Variants in COMMD10 observed in about 807,000 individuals in gnomAD.
COMMD10 encodes the protein COMM domain-containing protein 10.
COMMD10 carries 33 observed loss-of-function variants against 28.9 expected under a neutral mutation model. That is an observed-to-expected ratio of 1.14 (90% confidence interval 0.87 to 1.53). COMMD10 has a LOEUF of 1.53. Ranked by LOEUF, COMMD10 falls within the 40% of genes most tolerant of loss-of-function variation. The pLI is 0.00. For missense variants in COMMD10, 310 were observed against 233.4 expected, an observed-to-expected ratio of 1.33 and a Z score of -2.14; for synonymous variants, 110 against 81.7, an observed-to-expected ratio of 1.35 and a Z score of -1.87.
At chr5:116,220,674 A>G (rs1237483474) in intron 5 of COMMD10, among the ~76,000 whole-genome samples, 2 of 152,202 alleles carry the variant, frequency 1.3e-5, no homozygotes, top group Non-Finnish European at 1.5e-5. Flanking sequence ...GTACTTAATT[A>G]CTTTGTAAAT....
intron 5 of COMMD10, among the ~76,000 whole-genome samples, chr5:116,179,885 A>G (rs943139725): frequency 6.6e-6 from 1 of 152,070 alleles, no homozygotes; most frequent in Non-Finnish European, 1.5e-5. Context: ...TTCTTGGGGG[A>G]AAATGATTGG....
intron 4 of COMMD10, among the ~76,000 whole-genome samples, chr5:116,125,586 A>C (rs977075126): frequency 6.6e-5 from 10 of 152,056 alleles, no homozygotes; most frequent in African/African-American, 2.4e-4. Context: ...CCTGAATTTG[A>C]ATGTTGGTCT....
At chr5:116,226,879 A>G (rs1431263037) in intron 5 of COMMD10, among the ~76,000 whole-genome samples, 2 of 152,090 alleles carry the variant, frequency 1.3e-5, no homozygotes, top group Admixed American at 1.3e-4. Flanking sequence ...AAGACTTTAC[A>G]TATGGTCAGA....
intron 5 of COMMD10, among the ~76,000 whole-genome samples, chr5:116,211,064 GA>G (rs1468258575): frequency 2.0e-5 from 3 of 151,982 alleles, no homozygotes; most frequent in East Asian, 3.9e-4. Context: ...CTAAATTTTG[GA>G]AAAAATTATA....
chr5:116,163,247 A>C (rs1219573856), intron 5 of COMMD10, among the ~76,000 whole-genome samples: 1 of 151,586 alleles, frequency 6.6e-6, no homozygotes, highest in Non-Finnish European at 1.5e-5. Flanking sequence ...TAATTAAAAA[A>C]AGTATTGGCG....
chr5:116,218,187 G>T (rs1437773674), intron 5 of COMMD10: 7 of 801,448 alleles, frequency 8.7e-6, no homozygotes, highest in Non-Finnish European at 1.6e-5. Flanking sequence ...CTGGGCTCTG[G>T]CTTTGGAGAA....
chr5:116,104,556 G>A (rs1234237480), intron 4 of COMMD10, among the ~76,000 whole-genome samples: 1 of 152,062 alleles, frequency 6.6e-6, no homozygotes, highest in Admixed American at 6.5e-5. Flanking sequence ...TTGAGATGAT[G>A]GGGTTTTCTA....
chr5:116,116,593 A>G (rs1361672103), intron 4 of COMMD10, among the ~76,000 whole-genome samples: 1 of 152,198 alleles, frequency 6.6e-6, no homozygotes, highest in Non-Finnish European at 1.5e-5. Flanking sequence ...TGTAAAAGGC[A>G]TAGGTTTTCT....
intron 5 of COMMD10, among the ~76,000 whole-genome samples, chr5:116,248,552 T>C (rs1417747062): frequency 1.3e-5 from 2 of 151,930 alleles, no homozygotes; most frequent in East Asian, 3.9e-4. Flanking sequence ...GTTCTGTTTT[T>C]GTTGTAATTT....
rs73271248 is a variant in COMMD10, at chr5:116,113,849, C to T, written c.400-20219C>T. ...TGTTCCTTTGATGGTGTCATATTGC[C>T]ATGCGTTTTCATGTTTCTTGTGTTT... On this transcript the variant is annotated intron_variant, in intron 4 of 6. Coordinates refer to ENST00000274458, the MANE Select transcript of COMMD10 (RefSeq NM_016144.4). 7.9e-3 allele frequency among the ~76,000 whole-genome samples: 1,207 copies of T among 152,048 alleles called. 15 individuals carry two copies. Among genetic ancestry groups the T allele is most frequent in the African/African-American group, 0.027 (1,115 of 41,462 alleles).
intron 5 of COMMD10, among the ~76,000 whole-genome samples, chr5:116,173,433 T>A (rs969525994): frequency 6.6e-6 from 1 of 152,158 alleles, no homozygotes; most frequent in Admixed American, 6.6e-5. Context: ...CATTTTACTT[T>A]CTATGTTATT....
chr5:116,207,818 C>CA (rs1748853920), intron 5 of COMMD10, among the ~76,000 whole-genome samples: 1 of 152,150 alleles, frequency 6.6e-6, no homozygotes, highest in African/African-American at 2.4e-5. Context: ...CATGCCCTGC[C>CA]AAAAATCAGT....
rs199809663 is a variant in COMMD10, at chr5:116,089,904, C to T, written c.133-1175C>T. Among the ~76,000 whole-genome samples the T allele has an allele frequency of 3.9e-5, 6 of 152,264 alleles. No individual in the cohort carries two copies. The East Asian group carries it at 1.2e-3, about 29-fold the overall frequency. On this transcript the variant is annotated intron_variant, in intron 2 of 6. Coordinates refer to ENST00000274458, the MANE Select transcript of COMMD10 (RefSeq NM_016144.4). The stretch of plus-strand genomic sequence containing the variant: ...GATAAGGGCTTTTCAGTCAAGTTTG[C>T]AGTGCATTTCAGGATCTGCCTACTT...
intron 5 of COMMD10, among the ~76,000 whole-genome samples, chr5:116,189,046 G>T (rs780072064): frequency 6.6e-6 from 1 of 152,110 alleles, no homozygotes; most frequent in Admixed American, 6.5e-5. Flanking sequence ...TTTATTGATG[G>T]CTCATTGTAT....
At chr5:116,096,558 T>C (rs1413350470) in intron 4 of COMMD10, among the ~76,000 whole-genome samples, 1 of 152,104 alleles carries the variant, frequency 6.6e-6, no homozygotes, top group Non-Finnish European at 1.5e-5. Context: ...ATTTCTTCCT[T>C]TTCAATCTGT....
chr5:116,118,425 T>C (rs1319770569), intron 4 of COMMD10, among the ~76,000 whole-genome samples: 2 of 152,206 alleles, frequency 1.3e-5, no homozygotes, highest in Non-Finnish European at 2.9e-5. Context: ...TAAATATTTG[T>C]TGAATGAATG....
At chr5:116,269,817 C>A (rs528633221) in intron 5 of COMMD10, among the ~76,000 whole-genome samples, 1 of 151,668 alleles carries the variant, frequency 6.6e-6, no homozygotes, top group Non-Finnish European at 1.5e-5. Flanking sequence ...GTCTGACTTG[C>A]CAGTCTTACT....
intron 5 of COMMD10, among the ~76,000 whole-genome samples, chr5:116,240,603 A>G (rs541686180): frequency 6.6e-6 from 1 of 152,296 alleles, no homozygotes; most frequent in South Asian, 2.1e-4. Flanking sequence ...AGAACTTCAT[A>G]GAGAACCTGA....
intron 5 of COMMD10, among the ~76,000 whole-genome samples, chr5:116,149,032 T>C (rs1580490463): frequency 8.4e-6 from 1 of 119,194 alleles, no homozygotes; most frequent in African/African-American, 3.2e-5. Context: ...CCCCAGAGTG[T>C]GATATTCCCC....
Sources: allele counts gnomAD v4.1 joint callset (sites outside exome capture counted in the v4.1 genomes callset), GRCh38; gene constraint gnomAD v4.1.1; transcripts MANE v1.5; gene names NCBI Gene and HGNC (gene_info 2026-07-23, HGNC 2026-07-21).